TOX4: variants seen among roughly 807,000 people sequenced by gnomAD.
The protein encoded by TOX4 is epidermal Langerhans cell protein LCP1.
TOX4 carries 12 observed loss-of-function variants against 61.0 expected under a neutral mutation model. That is an observed-to-expected ratio of 0.20 (90% CI 0.13 to 0.32). The LOEUF (loss-of-function observed/expected upper bound fraction) is 0.32. TOX4 is among the 10% of genes least tolerant of loss of function. The pLI is 1.00. For synonymous variants in TOX4, 268 were observed against 274.8 expected, an observed-to-expected ratio of 0.98 and a Z score of 0.24; for missense variants, 499 against 753.3, an observed-to-expected ratio of 0.66 and a Z score of 3.95.
chr14:21,498,603 A>G lies in TOX4; in HGVS notation c.*1997A>G. On this transcript the variant is annotated 3_prime_UTR_variant, in exon 9 of 9. Coordinates refer to ENST00000448790, the MANE Select transcript of TOX4 (RefSeq NM_014828.4). ...ATCTGAGGGTTAGTAACTAATGCTT[A>G]GCCAGGCCTGCTTCACAGAGTTGCT... The G allele has an allele frequency of 1.8e-6, 1 of 553,784 alleles. No individual in the cohort carries two copies. The highest frequency in any genetic ancestry group is 3.0e-5 in the East Asian group (1 of 33,362). 34.3% of individuals were successfully genotyped at this position (553,784 alleles called of 1,614,324 possible). A position where few individuals can be genotyped will look rare whatever the true frequency, so the allele number is the denominator to read the frequency against.
Position 21,498,225 on chromosome 14 carries a change from G to T in TOX4, c.*1619G>T. ...TTCAGGTTTAGCTTACAGAGCCATG[G>T]CTATGGATTCTTAGCTCTGTAAGGA... On this transcript the variant is annotated 3_prime_UTR_variant, in exon 9 of 9. Transcript: ENST00000448790. 1 of 1,226,076 alleles carries T rather than the reference G, an allele frequency of 8.2e-7. No homozygotes were observed. Among genetic ancestry groups the T allele is most frequent in the Non-Finnish European group, 1.2e-6 (1 of 826,402 alleles). 75.9% of individuals were successfully genotyped at this position (1,226,076 alleles called of 1,614,324 possible). A position where few individuals can be genotyped will look rare whatever the true frequency, so the allele number is the denominator to read the frequency against.
chr14:21,491,584 C>T (rs951367151), intron 5 of TOX4, among the ~76,000 whole-genome samples: 2 of 150,582 alleles, frequency 1.3e-5, no homozygotes, highest in South Asian at 2.1e-4. Context: ...AGGATGGTCT[C>T]AATCTCCTGA....
In TOX4 at chr14:21,495,288, AC is replaced by A. The variant is rs1566486567; in HGVS notation, c.1705del (p.Gln569SerfsTer5). The A allele has an allele frequency of 1.2e-6, 2 of 1,614,014 alleles. No homozygotes were observed. The highest frequency in any genetic ancestry group is 1.7e-6 in the Non-Finnish European group (2 of 1,179,994). ...TGAGTGGGTCTCCTGTGGCACTCTCACCCCAGCCTCGATGTGTGAGGTCTGG... is the reference window on the plus strand; with the variant it reads ...TGAGTGGGTCTCCTGTGGCACTCTCACCCAGCCTCGATGTGTGAGGTCTGG... ...LVSGSPVALS[P>X]QPRCVRSGCE... On this transcript the variant is annotated frameshift_variant, in exon 8 of 9. Transcript: ENST00000448790. LOFTEE classifies it high-confidence loss of function.
intron 2 of TOX4, among the ~76,000 whole-genome samples, chr14:21,485,352 T>C (rs1434362863): frequency 2.0e-5 from 2 of 101,068 alleles, no homozygotes; most frequent in Non-Finnish European, 4.3e-5. Flanking sequence ...GAGGCGGAGG[T>C]TGCGGTGAGC....
intron 5 of TOX4, among the ~76,000 whole-genome samples, chr14:21,491,767 T>C (rs1374710389): frequency 6.6e-6 from 1 of 150,974 alleles, no homozygotes; most frequent in Non-Finnish European, 1.5e-5. Context: ...ATCCCAGCAC[T>C]TTGGGAGGCA....
chr14:21,481,138 A>G (rs1178767465), intron 2 of TOX4, among the ~76,000 whole-genome samples: 3 of 152,224 alleles, frequency 2.0e-5, no homozygotes, highest in Admixed American at 6.5e-5. Context: ...GTCACTTCAC[A>G]AAAGAAGACG....
intron 5 of TOX4, among the ~76,000 whole-genome samples, chr14:21,490,876 A>G (rs1413645377): frequency 6.6e-6 from 1 of 152,272 alleles, no homozygotes; most frequent in Admixed American, 6.5e-5. Context: ...CCCAGGCTGC[A>G]GTGCAGTGGT....
intron 2 of TOX4, 178 bp downstream of exon 2, chr14:21,477,742 G>A: frequency 1.5e-6 from 1 of 648,104 alleles, no homozygotes. Flanking sequence ...GGAAGTCTTG[G>A]GAAGTTGCTG....
intron 2 of TOX4, 62 bp downstream of exon 2, chr14:21,477,626 G>T: frequency 6.3e-7 from 1 of 1,576,504 alleles, no homozygotes; most frequent in South Asian, 1.1e-5. Context: ...GTAGGGTAGT[G>T]GGGAGGAGAG....
Position 21,492,810 on chromosome 14 carries a change from G to A in TOX4, c.1194G>A (p.Arg398=), listed in dbSNP as rs7617. ...TVIPATVVTS[R]GLQLGQTSTA... ...TCCCAGCCACAGTGGTGACCTCCCG[G>A]GGGCTCCAACTAGGCCAAACCAGTA... is the stretch of plus-strand genomic sequence containing the variant. Residue 398 remains arginine (R), a synonymous_variant, in exon 7 of 9, where the codon CGG becomes CGA. Coordinates refer to ENST00000448790, the MANE Select transcript of TOX4 (RefSeq NM_014828.4). 0.51 allele frequency: 823,703 copies of A among 1,613,674 alleles called. 213,080 individuals carry two copies. Among genetic ancestry groups the A allele is most frequent in the East Asian group, 0.65 (29,274 of 44,854 alleles).
chr14:21,479,520 C>T (rs572934367), intron 2 of TOX4, among the ~76,000 whole-genome samples: 16 of 151,248 alleles, frequency 1.1e-4, no homozygotes, highest in African/African-American at 2.7e-4. Flanking sequence ...TGGTGGTGCG[C>T]GCCTGTAATC....
At chr14:21,482,955 G>A (rs554178382) in intron 2 of TOX4, among the ~76,000 whole-genome samples, 81 of 152,180 alleles carry the variant, frequency 5.3e-4, no homozygotes, top group African/African-American at 1.9e-3. Context: ...CACCATGAAA[G>A]CCATAGGTAC....
At chr14:21,488,496 G>T in intron 3 of TOX4, 94 bp from the exon 4 acceptor site, 4 of 1,193,636 alleles carry the variant, frequency 3.4e-6, no homozygotes, top group Non-Finnish European at 2.4e-6. Flanking sequence ...ATACAATTTG[G>T]GTAGGCAGGG....
rs1437825035 is a variant in TOX4, at chr14:21,495,369, T to C, written c.1782T>C (p.Asn594=). The change falls in exon 8 of 9, where the codon AAT becomes AAC. Residue 594 remains asparagine (N), a synonymous_variant. Transcript: ENST00000448790. ...ACTGGGACAATGAATACTGCAGCAA[T>C]GAGTGTGTGGTGAAGCACTGCAGGT... The part of the protein sequence containing the change: ...SKDWDNEYCS[N]ECVVKHCRDV... 1.2e-6 allele frequency: 2 copies of C among 1,613,902 alleles called. No homozygotes were observed.
rs1891235332 is a variant in TOX4, at chr14:21,488,805, A to C, written c.534A>C (p.Ser178=). 1 of 1,613,932 alleles carries C rather than the reference A, an allele frequency of 6.2e-7. No homozygotes were observed. The highest frequency in any genetic ancestry group is 8.5e-7 in the Non-Finnish European group (1 of 1,180,024). The change falls in exon 4 of 9, where the codon TCA becomes TCC. Residue 178 remains serine (S), a synonymous_variant. Coordinates refer to ENST00000448790, the MANE Select transcript of TOX4 (RefSeq NM_014828.4). ...SPEDRLSTTP[S]PTSSLHEDGV... The stretch of plus-strand genomic sequence containing the variant: ...AAGATCGTCTTTCAACCACCCCTTC[A>C]CCTACTAGTTCACTTCACGAGGATG...
Position 21,498,417 on chromosome 14 carries a change from G to C in TOX4, c.*1811G>C. On this transcript the variant is annotated 3_prime_UTR_variant, in exon 9 of 9. Coordinates refer to ENST00000448790, the MANE Select transcript of TOX4 (RefSeq NM_014828.4). ...GCAAACCAGAAATCCTGGAATTAGA[G>C]GGTTTAATATTGTTAAAAAATGCAT... is the stretch of plus-strand genomic sequence containing the variant. 6.3e-7 allele frequency: 1 copy of C among 1,585,906 alleles called. No individual in the cohort carries two copies. The highest frequency in any genetic ancestry group is 8.7e-7 in the Non-Finnish European group (1 of 1,155,860).
Position 21,498,620 on chromosome 14 carries a change from A to C in TOX4, c.*2014A>C. ...TAATGCTTAGCCAGGCCTGCTTCAC[A>C]GAGTTGCTACCAGGGAGTATTCTTT... On this transcript the variant is annotated 3_prime_UTR_variant, in exon 9 of 9. Transcript: ENST00000448790. The C allele has an allele frequency of 1.9e-6, 1 of 538,590 alleles. No homozygotes were observed. The allele number at this position is 538,590 out of a possible 1,614,324, so 33.4% of individuals were successfully genotyped here.
chr14:21,483,380 C>T (rs1370832744), intron 2 of TOX4, among the ~76,000 whole-genome samples: 1 of 127,894 alleles, frequency 7.8e-6, no homozygotes, highest in East Asian at 2.4e-4. Flanking sequence ...TCTTCCTGTT[C>T]CTATAACTTT....
rs4982450 is a variant in TOX4 at position 21,497,865 on chromosome 14, T to G, written c.*1259T>G. 2,135 of 162,330 alleles carry G rather than the reference T, an allele frequency of 0.013. 155 individuals carry two copies. The highest frequency in any genetic ancestry group is 0.11 in the Admixed American group (1,781 of 15,802). The allele number at this position is 162,330 out of a possible 1,614,324, so 10.1% of individuals were successfully genotyped here. On this transcript the variant is annotated 3_prime_UTR_variant, in exon 9 of 9. Transcript: ENST00000448790. ...TTTTAATGGTTTTGGAGGGTAGCAGTAGAGATGGGGTCTCACTATGTTGCC... is the reference window on the plus strand; with the variant it reads ...TTTTAATGGTTTTGGAGGGTAGCAGGAGAGATGGGGTCTCACTATGTTGCC...
Sources: allele counts gnomAD v4.1 joint callset (sites outside exome capture counted in the v4.1 genomes callset), GRCh38; gene constraint gnomAD v4.1.1; transcripts MANE v1.5; gene names NCBI Gene and HGNC (gene_info 2026-07-23, HGNC 2026-07-21).